Variants in TMEM178B observed in about 807,000 individuals in gnomAD.
TMEM178B encodes the protein transmembrane protein 178B.
Under a neutral mutation model 31.0 loss-of-function variants are expected in TMEM178B, and 5 were observed. The observed-to-expected ratio is 0.16, with a 90% CI of 0.08 to 0.34. TMEM178B has a LOEUF of 0.34. Among genes scored for constraint, TMEM178B ranks in the 10% least tolerant of loss-of-function variants. TMEM178B has a pLI of 1.00. For synonymous variants in TMEM178B, 164 were observed against 164.0 expected (o/e 1.00, Z 0.00); for missense variants, 275 against 400.3 (o/e 0.69, Z 2.67).
At chr7:141,311,440 CTTT>C (rs1199577753) in intron 2 of TMEM178B, among the ~76,000 whole-genome samples, 1 of 152,008 alleles carries the variant, frequency 6.6e-6, no homozygotes, top group Non-Finnish European at 1.5e-5. Context: ...ATGCTTTGCT[CTTT>C]TTTCAATTAG....
intron 2 of TMEM178B, among the ~76,000 whole-genome samples, chr7:141,240,372 A>G (rs992547884): frequency 2.0e-5 from 3 of 152,232 alleles, no homozygotes; most frequent in African/African-American, 4.8e-5. Flanking sequence ...CCAGATTGGT[A>G]TTTCCCTTCT....
At chr7:141,181,490 A>G (rs545763289) in intron 1 of TMEM178B, among the ~76,000 whole-genome samples, 1 of 152,330 alleles carries the variant, frequency 6.6e-6, no homozygotes, top group South Asian at 2.1e-4. Context: ...TGTCTCATAA[A>G]GGGCTCAGTG....
At chr7:141,148,572 AT>A (rs1245095235) in intron 1 of TMEM178B, among the ~76,000 whole-genome samples, 1 of 152,240 alleles carries the variant, frequency 6.6e-6, no homozygotes, top group Non-Finnish European at 1.5e-5. Flanking sequence ...GTCAAATGCG[AT>A]AGGTTCTGCA....
rs151000469 is a variant in TMEM178B at position 141,227,642 on chromosome 7, C to T, written c.496+14938C>T. Among the ~76,000 whole-genome samples the T allele has an allele frequency of 5.3e-5, 8 of 152,204 alleles. No homozygotes were observed. In the East Asian group the frequency reaches 1.4e-3, roughly 26 times the overall value. The stretch of plus-strand genomic sequence containing the variant: ...GCCAGGCATGATGGATGTGAATGGG[C>T]GGAGTCCGGACTGTGAGGAGCCATT... On this transcript the variant is annotated intron_variant, in intron 2 of 3. Coordinates refer to ENST00000565468, the MANE Select transcript of TMEM178B (RefSeq NM_001195278.2).
chr7:141,474,622 C>G lies in TMEM178B; in HGVS notation c.*3836C>G, dbSNP rs1802325433. 1 of 152,184 alleles carries G rather than the reference C, an allele frequency of 6.6e-6. No homozygotes were observed. The highest frequency in any genetic ancestry group is 2.4e-5 in the African/African-American group (1 of 41,418). 9.4% of individuals were successfully genotyped at this position (152,184 alleles called of 1,614,324 possible). On this transcript the variant is annotated 3_prime_UTR_variant, in exon 4 of 4. Coordinates refer to ENST00000565468, the MANE Select transcript of TMEM178B (RefSeq NM_001195278.2). The stretch of plus-strand genomic sequence containing the variant: ...GCCCTGAGCCCAGGTGCATATCTTC[C>G]CATCAGGGATGAGTGGTCCCACCTA...
At chr7:141,214,662 C>T (rs1335620557) in intron 2 of TMEM178B, among the ~76,000 whole-genome samples, 1 of 152,122 alleles carries the variant, frequency 6.6e-6, no homozygotes, top group East Asian at 1.9e-4. Context: ...AAACATGTCA[C>T]GAGGCATTGG....
chr7:141,393,145 C>G (rs903606489), intron 2 of TMEM178B, among the ~76,000 whole-genome samples: 3 of 152,100 alleles, frequency 2.0e-5, no homozygotes, highest in African/African-American at 7.2e-5. Flanking sequence ...GTAAAGAGAA[C>G]TTGCTTCTGG....
chr7:141,373,321 TAAACAACAACAACAGC>T (rs917805138), intron 2 of TMEM178B, among the ~76,000 whole-genome samples: 25 of 152,190 alleles, frequency 1.6e-4, no homozygotes, highest in African/African-American at 5.8e-4. Context: ...CGGACCCAAA[TAAACAACAACAACAGC>T]AAACAACAAC....
intron 1 of TMEM178B, among the ~76,000 whole-genome samples, chr7:141,186,295 C>T (rs1323179263): frequency 6.6e-6 from 1 of 152,036 alleles, no homozygotes; most frequent in Non-Finnish European, 1.5e-5. Flanking sequence ...AAGTTGGATG[C>T]ATTTTTAGGG....
intron 2 of TMEM178B, among the ~76,000 whole-genome samples, chr7:141,350,794 A>G (rs570159175): frequency 6.6e-6 from 1 of 152,302 alleles, no homozygotes; most frequent in Admixed American, 6.5e-5. Flanking sequence ...ACACACACAC[A>G]AAACAAAAGA....
intron 2 of TMEM178B, among the ~76,000 whole-genome samples, chr7:141,399,744 T>C (rs1800726665): frequency 6.6e-6 from 1 of 152,210 alleles, no homozygotes; most frequent in African/African-American, 2.4e-5. Context: ...GAGTATCAGA[T>C]GGCTTCCAGA....
intron 2 of TMEM178B, among the ~76,000 whole-genome samples, chr7:141,370,563 G>T (rs1800098178): frequency 2.0e-5 from 3 of 151,918 alleles, no homozygotes. Context: ...TCAGAAGGAG[G>T]AGCTAGTTTA....
chr7:141,245,278 G>A (rs749687848), intron 2 of TMEM178B, among the ~76,000 whole-genome samples: 1 of 146,960 alleles, frequency 6.8e-6, no homozygotes, highest in African/African-American at 2.5e-5. Flanking sequence ...GGAGTGAGAA[G>A]GTTTCGCAGT....
chr7:141,488,134 A>G, the TMEM178B span, among the ~76,000 whole-genome samples: 1 of 152,204 alleles, frequency 6.6e-6, no homozygotes, highest in South Asian at 2.1e-4. Context: ...AAGAATCTCC[A>G]TAAGGCACTG....
intron 2 of TMEM178B, among the ~76,000 whole-genome samples, chr7:141,312,799 G>A (rs886075303): frequency 3.9e-5 from 6 of 152,208 alleles, no homozygotes; most frequent in Non-Finnish European, 7.3e-5. Context: ...AAAGCAGGTG[G>A]AAGCCTTTCA....
chr7:141,102,665 C>A (rs1433681614), intron 1 of TMEM178B, among the ~76,000 whole-genome samples: 1 of 152,204 alleles, frequency 6.6e-6, no homozygotes, highest in Non-Finnish European at 1.5e-5. Context: ...TTAGGAGTAG[C>A]TGTCCCTATT....
At chr7:141,212,516 A>G (rs1287963333) in intron 1 of TMEM178B, 75 bp from the exon 2 acceptor site, 2 of 1,290,422 alleles carry the variant, frequency 1.5e-6, no homozygotes, top group Non-Finnish European at 1.1e-6. Context: ...TCCAGGATGG[A>G]AAAATTAATC....
chr7:141,457,037 A>G (rs569346124), intron 3 of TMEM178B, among the ~76,000 whole-genome samples: 1 of 152,236 alleles, frequency 6.6e-6, no homozygotes, highest in African/African-American at 2.4e-5. Context: ...TGTCCTTCCC[A>G]TCCTATATAG....
At chr7:141,247,542 C>T (rs557865588) in intron 2 of TMEM178B, among the ~76,000 whole-genome samples, 5 of 152,178 alleles carry the variant, frequency 3.3e-5, no homozygotes, top group Admixed American at 6.5e-5. Flanking sequence ...CCCTCTGTCA[C>T]GTGGGAAAGG....
Sources: gnomAD v4.1 joint callset for allele counts (sites outside exome capture counted in the v4.1 genomes callset) on GRCh38, gnomAD v4.1.1 for gene constraint, MANE v1.5 for transcripts, NCBI Gene and HGNC (gene_info 2026-07-23, HGNC 2026-07-21) for gene names.